Variants in ELMO1 observed in about 807,000 individuals in gnomAD.
ELMO1 encodes the protein engulfment and cell motility 1.
Under a neutral mutation model 98.9 loss-of-function variants are expected in ELMO1, and 26 were observed. The ratio of observed to expected loss-of-function variants is 0.26; its 90% confidence interval spans 0.19 to 0.36. The LOEUF (loss-of-function observed/expected upper bound fraction) is 0.36, where lower values mean the gene tolerates loss of function less well. Ranked by LOEUF, ELMO1 falls within the 10% of genes least tolerant of loss-of-function variation. ELMO1 has a pLI of 1.00. For missense variants in ELMO1, 627 were observed against 935.2 expected (o/e 0.67, Z 4.30); for synonymous variants, 346 against 346.0 (o/e 1.00, Z 0.00).
At position 37,315,943 on chromosome 7, in the gene ELMO1, T is replaced by C. The variant is rs762092569; in HGVS notation, c.96A>G (p.Ala32=). 1.9e-6 allele frequency: 3 copies of C among 1,603,492 alleles called. No individual in the cohort carries two copies. Among genetic ancestry groups the C allele is most frequent in the Non-Finnish European group, 1.7e-6 (2 of 1,177,426 alleles). The part of the protein sequence containing the change: ...MEIDQKKPLS[A]IIKEVCDGWS... ...ACCCATCACAGACTTCCTTTATTAT[T>C]GCAGACAGTGGTTTTTTCTGCAAAA... The change falls in exon 3 of 22, where the codon GCA becomes GCG. Residue 32 remains alanine, a synonymous_variant. Coordinates refer to ENST00000310758, the MANE Select transcript of ELMO1 (RefSeq NM_014800.11).
chr7:37,292,764 C>T (rs1335764546), intron 4 of ELMO1, among the ~76,000 whole-genome samples: 2 of 100,012 alleles, frequency 2.0e-5, no homozygotes, highest in African/African-American at 3.5e-5. Flanking sequence ...GCCCGGCCAG[C>T]CACCCCGTCT....
rs10571805 is a variant in ELMO1 at position 37,343,487 on chromosome 7, CTTTTTTTTTTTTTT to C, written c.-73-738_-73-725del. Among the ~76,000 whole-genome samples the C allele has an allele frequency of 1.7e-3, 157 of 92,822 alleles. 1 individual carries two copies. The highest frequency in any genetic ancestry group is 1.4e-3 in the Non-Finnish European group (68 of 49,274). The allele number at this position is 92,822 out of a possible 152,430, so 60.9% of individuals were successfully genotyped here. On this transcript the variant is annotated intron_variant, in intron 1 of 21. Coordinates refer to ENST00000310758, the MANE Select transcript of ELMO1 (RefSeq NM_014800.11). ...TGCCTCTTCCCAGGCTAGCCCATTT[CTTTTTTTTTTTTTT>C]TTTTTTTTTTGAGGCAGAGCCTGGT...
chr7:37,194,044 G>A (rs1356930405), intron 13 of ELMO1, among the ~76,000 whole-genome samples: 1 of 152,142 alleles, frequency 6.6e-6, no homozygotes, highest in Non-Finnish European at 1.5e-5. Context: ...AACAAGCACA[G>A]AACTTGACAC....
chr7:36,970,180 AACACAC>A (rs56928749), intron 16 of ELMO1, among the ~76,000 whole-genome samples: 12,574 of 144,232 alleles, frequency 0.087, 670 homozygotes, highest in East Asian at 0.23. Flanking sequence ...TCATACACTT[AACACAC>A]ACACACACAC....
At chr7:37,026,495 T>G (rs1310078331) in intron 15 of ELMO1, among the ~76,000 whole-genome samples, 1 of 152,200 alleles carries the variant, frequency 6.6e-6, no homozygotes, top group Non-Finnish European at 1.5e-5. Context: ...CATTACCTTG[T>G]AGTGATCACC....
chr7:36,982,521 A>G (rs981797841), intron 16 of ELMO1, among the ~76,000 whole-genome samples: 3 of 152,338 alleles, frequency 2.0e-5, no homozygotes, highest in Non-Finnish European at 4.4e-5. Context: ...GAGATCTGCT[A>G]TATTGTCCCT....
chr7:37,178,485 C>T (rs1455981250), intron 13 of ELMO1, among the ~76,000 whole-genome samples: 1 of 151,714 alleles, frequency 6.6e-6, no homozygotes, highest in Admixed American at 6.6e-5. Flanking sequence ...GCCTGTAGTC[C>T]CAGCTACTCA....
chr7:36,875,752 G>C (rs1803905692), intron 19 of ELMO1, among the ~76,000 whole-genome samples: 1 of 152,152 alleles, frequency 6.6e-6, no homozygotes, highest in Non-Finnish European at 1.5e-5. Flanking sequence ...GAGGGTCTTA[G>C]CAGAGCTGGG....
chr7:37,188,244 G>C (rs1344190583), intron 13 of ELMO1, among the ~76,000 whole-genome samples: 1 of 152,014 alleles, frequency 6.6e-6, no homozygotes, highest in Admixed American at 6.6e-5. Flanking sequence ...ATCAAGAAGA[G>C]CTGCAGAAAA....
chr7:36,946,589 A>T (rs1787507738), intron 16 of ELMO1, among the ~76,000 whole-genome samples: 1 of 152,196 alleles, frequency 6.6e-6, no homozygotes. Flanking sequence ...GACTATTGTT[A>T]TCTGTGGTAA....
intron 21 of ELMO1, among the ~76,000 whole-genome samples, chr7:36,860,042 A>G (rs138322224): frequency 3.2e-4 from 49 of 152,234 alleles, no homozygotes; most frequent in African/African-American, 1.1e-3. Flanking sequence ...TAGTAAACAT[A>G]TTTTCTCTTC....
chr7:36,864,510 T>C (rs1430115270), intron 20 of ELMO1, among the ~76,000 whole-genome samples: 2 of 152,172 alleles, frequency 1.3e-5, no homozygotes, highest in Non-Finnish European at 1.5e-5. Flanking sequence ...TCGCTTGTAA[T>C]GGGTTTTATT....
At chr7:36,910,671 T>C (rs1300545154) in intron 16 of ELMO1, among the ~76,000 whole-genome samples, 2 of 152,186 alleles carry the variant, frequency 1.3e-5, no homozygotes, top group Non-Finnish European at 2.9e-5. Flanking sequence ...AATGAGAGTG[T>C]ACAGTGCAGA....
chr7:36,857,135 T>C (rs995052019), intron 21 of ELMO1, among the ~76,000 whole-genome samples: 2 of 152,170 alleles, frequency 1.3e-5, no homozygotes, highest in East Asian at 1.9e-4. Flanking sequence ...GAGGGCAGCA[T>C]TGATTTGGAG....
chr7:37,231,293 G>A (rs575331187), intron 8 of ELMO1, among the ~76,000 whole-genome samples: 6 of 150,418 alleles, frequency 4.0e-5, no homozygotes, highest in African/African-American at 7.3e-5. Flanking sequence ...CATGTCCTTC[G>A]ATTCAAGGCA....
intron 4 of ELMO1, among the ~76,000 whole-genome samples, chr7:37,288,587 C>A (rs1797519787): frequency 1.3e-5 from 2 of 152,320 alleles, no homozygotes; most frequent in South Asian, 4.1e-4. Flanking sequence ...CCAAGGCCTA[C>A]AGATGGACAA....
intron 16 of ELMO1, among the ~76,000 whole-genome samples, chr7:36,919,840 T>C (rs17418220): frequency 0.29 from 43,689 of 152,068 alleles, 6,595 homozygotes; most frequent in Admixed American, 0.36. Flanking sequence ...TAAAACAACC[T>C]GTCTAATCAT....
intron 15 of ELMO1, among the ~76,000 whole-genome samples, chr7:37,080,347 C>A (rs537005924): frequency 6.6e-6 from 1 of 152,240 alleles, no homozygotes; most frequent in East Asian, 1.9e-4. Context: ...GCTCAATCTG[C>A]CCAACGGCTT....
chr7:37,202,561 G>A (rs771978782), intron 13 of ELMO1, among the ~76,000 whole-genome samples: 22 of 152,088 alleles, frequency 1.4e-4, no homozygotes, highest in African/African-American at 5.1e-4. Flanking sequence ...TTGGGGATGC[G>A]GTATTTTGGT....
Sources: allele counts gnomAD v4.1 joint callset (sites outside exome capture counted in the v4.1 genomes callset), GRCh38; gene constraint gnomAD v4.1.1; transcripts MANE v1.5; gene names NCBI Gene and HGNC (gene_info 2026-07-23, HGNC 2026-07-21).